C5: variants seen among roughly 807,000 people sequenced by gnomAD.
C5 encodes the protein complement C5, also known as C3 and PZP-like alpha-2-macroglobulin domain-containing protein 4.
C5 carries 140 observed loss-of-function variants against 218.8 expected under a neutral mutation model. The ratio of observed to expected loss-of-function variants is 0.64; its 90% CI spans 0.56 to 0.74. The LOEUF is 0.74. Among genes scored for constraint, C5 ranks in the 30% least tolerant of loss-of-function variants. The probability of loss-of-function intolerance (pLI) is 0.00; values close to 1 mark genes in which losing one functional copy is unlikely to be tolerated. For synonymous variants in C5, 614 were observed against 682.3 expected, an observed-to-expected ratio of 0.90 and a Z score of 1.56; for missense variants, 1,700 against 1,969.6, an observed-to-expected ratio of 0.86 and a Z score of 2.59.
At position 121,017,425 on chromosome 9, in the gene C5, T is replaced by G; in HGVS notation, c.1803A>C (p.Ala601=). ...NMATGMDSWV[A]LAAVDSAVYG... The stretch of plus-strand genomic sequence containing the variant: ...ACACAGCACTGTCCACTGCTGCTAA[T>G]GCCACCCAGGAATCCATTCCAGTTG... Residue 601 remains alanine (A), a synonymous_variant, in exon 14 of 41, where the codon GCA becomes GCC. Coordinates refer to ENST00000223642, the MANE Select transcript of C5 (RefSeq NM_001735.3). The G allele has an allele frequency of 6.2e-7, 1 of 1,614,044 alleles. No individual in the cohort carries two copies. The highest frequency in any genetic ancestry group is 1.6e-4 in the Middle Eastern group (1 of 6,062).
intron 1 of C5, among the ~76,000 whole-genome samples, chr9:121,047,260 T>C (rs2047635436): frequency 6.6e-6 from 1 of 152,194 alleles, no homozygotes; most frequent in Admixed American, 6.6e-5. Context: ...GGCCTTTATA[T>C]GAGTTCTCAG....
In C5 at chr9:121,021,576, C is replaced by T. The variant is rs749183870; in HGVS notation, c.1235G>A (p.Arg412His). ...AAAGGAAGCTACTCCATCATCAACA[C>T]GTGTTACACTTTTGCTTGGATCCAA... ...SDLDPSKSVT[R>H]VDDGVASFVL... The change falls in exon 11 of 41, where the codon CGT becomes CAT. Residue 412 changes from arginine to histidine, a missense_variant. Physicochemically the swap from Arg to His is conservative, Grantham distance 29 (BLOSUM62 0). Coordinates refer to ENST00000223642, the MANE Select transcript of C5 (RefSeq NM_001735.3). 9 of 1,613,784 alleles carry T rather than the reference C, an allele frequency of 5.6e-6. No homozygotes were observed. In the Admixed American group the frequency reaches 8.3e-5, roughly 15 times the overall value.
chr9:121,034,710 C>T (rs1246218677), intron 5 of C5, 93 bp downstream of exon 5: 3 of 724,768 alleles, frequency 4.1e-6, no homozygotes, highest in Non-Finnish European at 7.5e-6. Flanking sequence ...ATGTGACACC[C>T]TTTGTTAACA....
intron 7 of C5, among the ~76,000 whole-genome samples, chr9:121,028,347 T>TATTTATA (rs1160433088): frequency 6.6e-6 from 1 of 152,202 alleles, no homozygotes; most frequent in Non-Finnish European, 1.5e-5. Context: ...TTACTGCGTA[T>TATTTATA]ATACCCAAAG....
chr9:121,008,886 C>T (rs1274452174), intron 17 of C5, among the ~76,000 whole-genome samples: 1 of 152,026 alleles, frequency 6.6e-6, no homozygotes, highest in East Asian at 1.9e-4. Context: ...GCCGAGATTG[C>T]ACCACTGCAC....
At chr9:120,963,081 T>G in intron 34 of C5, 114 bp from the exon 35 acceptor site, 2 of 848,360 alleles carry the variant, frequency 2.4e-6, no homozygotes, top group South Asian at 2.7e-5. Flanking sequence ...TTCAAAGAAA[T>G]TGAAGAGCAG....
At chr9:121,060,576 G>GA in the C5 span, among the ~76,000 whole-genome samples, 3 of 151,220 alleles carry the variant, frequency 2.0e-5, no homozygotes, top group East Asian at 1.9e-4. Context: ...TTTTTTACAA[G>GA]AAAAAAAACC....
At chr9:120,962,860 A>T in intron 35 of C5, 33 bp downstream of exon 35, 1 of 1,606,226 alleles carries the variant, frequency 6.2e-7, no homozygotes, top group Non-Finnish European at 8.5e-7. Flanking sequence ...GAATAGTAAT[A>T]GTAAAGGAAA....
At chr9:121,015,082 T>C (rs2047294963) in intron 16 of C5, 117 bp downstream of exon 16, 1 of 710,598 alleles carries the variant, frequency 1.4e-6, no homozygotes, top group Non-Finnish European at 2.5e-6. Context: ...CCTCCATACA[T>C]ATCTTTCTTT....
chr9:121,064,122 T>G, the C5 span, among the ~76,000 whole-genome samples: 1 of 152,172 alleles, frequency 6.6e-6, no homozygotes. Context: ...TTTTATTTTT[T>G]GTTTTTTTAA....
Position 120,976,847 on chromosome 9 carries a change from T to C in C5, c.3717A>G (p.Val1239=), listed in dbSNP as rs2046957280. The C allele has an allele frequency of 1.9e-6, 3 of 1,614,158 alleles. No homozygotes were observed. The highest frequency in any genetic ancestry group is 1.6e-4 in the Middle Eastern group (1 of 6,062). Residue 1239 remains valine (V), a synonymous_variant, in exon 29 of 41, where the codon GTA becomes GTG. Coordinates refer to ENST00000223642, the MANE Select transcript of C5 (RefSeq NM_001735.3). ...CCATACGTGCCGTACCAGTGTTAGG[T>C]ACAGAGCTGTCTTTATGCTGAAGAT... is the stretch of plus-strand genomic sequence containing the variant. The part of the protein sequence containing the change: ...KDNLQHKDSS[V]PNTGTARMVE...
the C5 span, among the ~76,000 whole-genome samples, chr9:121,064,437 C>G: frequency 6.6e-6 from 1 of 152,040 alleles, no homozygotes; most frequent in South Asian, 2.1e-4. Flanking sequence ...AATACATTTC[C>G]TGATAGTTCT....
chr9:120,970,353 A>G, intron 31 of C5, 102 bp from the exon 32 acceptor site: 1 of 772,328 alleles, frequency 1.3e-6, no homozygotes, highest in Non-Finnish European at 2.3e-6. Context: ...TCGAAGGATC[A>G]TTTTCATAAT....
the C5 span, among the ~76,000 whole-genome samples, chr9:121,073,869 G>T: frequency 6.6e-6 from 1 of 152,102 alleles, no homozygotes; most frequent in East Asian, 1.9e-4. Flanking sequence ...TAGGTAAAAG[G>T]ACCTCATTTC....
Position 121,027,242 on chromosome 9 carries a change from TC to T in C5, c.790del (p.Asp264ThrfsTer8). On this transcript the variant is annotated frameshift_variant, in exon 8 of 41. Coordinates refer to ENST00000223642, the MANE Select transcript of C5 (RefSeq NM_001735.3). LOFTEE classifies it high-confidence loss of function. ...TCTTATTCCAAATGTGATATAAACG[TC>T]AGCCTCAGTGACTACTTTATTATAA... ...YFYNKVVTEADVYITFGIRED... is the reference protein window; with the variant it reads ...YFYNKVVTEAXVYITFGIRED... 1 of 1,588,454 alleles carries T rather than the reference TC, an allele frequency of 6.3e-7. No homozygotes were observed. The highest frequency in any genetic ancestry group is 8.6e-7 in the Non-Finnish European group (1 of 1,158,324).
At chr9:121,002,320 A>G (rs779203911) in intron 20 of C5, among the ~76,000 whole-genome samples, 5,039 of 68,302 alleles carry the variant, frequency 0.074, 243 homozygotes, top group South Asian at 0.16. Context: ...GTGTGTGTAT[A>G]TATATATATA....
At chr9:121,055,335 T>G in the C5 span, among the ~76,000 whole-genome samples, 2 of 151,750 alleles carry the variant, frequency 1.3e-5, no homozygotes, top group African/African-American at 4.8e-5. Context: ...AGCAAGTCCT[T>G]GGGCAAGGTC....
At chr9:121,048,738 G>A (rs928869226) in intron 1 of C5, among the ~76,000 whole-genome samples, 1 of 113,482 alleles carries the variant, frequency 8.8e-6, no homozygotes, top group African/African-American at 3.5e-5. Flanking sequence ...AGTTTTCTTT[G>A]TCTTTCAATT....
intron 25 of C5, among the ~76,000 whole-genome samples, chr9:120,988,717 G>T (rs919535981): frequency 7.2e-5 from 11 of 152,182 alleles, no homozygotes; most frequent in African/African-American, 2.2e-4. Flanking sequence ...TTTTAACAGG[G>T]TCACTTCAGT....
Sources: gnomAD v4.1 joint callset for allele counts (sites outside exome capture counted in the v4.1 genomes callset) on GRCh38, gnomAD v4.1.1 for gene constraint, MANE v1.5 for transcripts, NCBI Gene and HGNC (gene_info 2026-07-23, HGNC 2026-07-21) for gene names.